The following SMARCC1 variants were observed in gnomAD, a reference collection of about 807,000 sequenced individuals.
SMARCC1 encodes the protein SWI/SNF related BAF chromatin remodeling complex subunit C1, also known as SWI/SNF complex subunit SMARCC1.
A neutral mutation model predicts 147.4 loss-of-function variants in SMARCC1; 43 were observed. That is an observed-to-expected ratio of 0.29 (90% CI 0.23 to 0.38). The LOEUF (loss-of-function observed/expected upper bound fraction) is 0.38, where lower values mean the gene tolerates loss of function less well. SMARCC1 is among the 10% of genes least tolerant of loss of function. The pLI, the probability that SMARCC1 is intolerant of heterozygous loss-of-function variation, is 1.00. For synonymous variants in SMARCC1, 495 were observed against 484.4 expected, an observed-to-expected ratio of 1.02 and a Z score of -0.29; for missense variants, 1,119 against 1,381.1, an observed-to-expected ratio of 0.81 and a Z score of 3.01.
At chr3:47,741,203 G>A (rs551258047) in intron 3 of SMARCC1, among the ~76,000 whole-genome samples, 1 of 151,896 alleles carries the variant, frequency 6.6e-6, no homozygotes, top group Admixed American at 6.6e-5. Context: ...AGGTACTTGT[G>A]AGGAAAAGAG....
chr3:47,655,818 T>C (rs1194222845), intron 21 of SMARCC1, among the ~76,000 whole-genome samples: 3 of 152,190 alleles, frequency 2.0e-5, no homozygotes, highest in East Asian at 3.8e-4. Context: ...AAATGACACC[T>C]ATAGTTCTTT....
Position 47,686,143 on chromosome 3 carries a change from G to C in SMARCC1, c.1291C>G (p.Gln431Glu). The change falls in exon 14 of 28, where the codon CAG becomes GAG. Residue 431 changes from glutamine (Q) to glutamate (E), a missense_variant. Around this residue, in one of 6 missense-constraint regions of SMARCC1, gnomAD observed 542 missense variants for 611.8 expected, o/e 0.89. Transcript: ENST00000254480. ...TCCCCAAGGTCAACTGATCGACTCTGATCACCTTTGGCAGGATCTTCATCT... is the reference window on the plus strand; with the variant it reads ...TCCCCAAGGTCAACTGATCGACTCTCATCACCTTTGGCAGGATCTTCATCT... ...KEDEDPAKGD[Q>E]SRSVDLGEDN... 6.2e-7 allele frequency: 1 copy of C among 1,612,320 alleles called. No homozygotes were observed. Among genetic ancestry groups the C allele is most frequent in the Non-Finnish European group, 8.5e-7 (1 of 1,178,598 alleles).
chr3:47,757,352 G>A (rs2034712137), intron 2 of SMARCC1, among the ~76,000 whole-genome samples: 1 of 152,090 alleles, frequency 6.6e-6, no homozygotes, highest in South Asian at 2.1e-4. Flanking sequence ...TAGCCAAGTG[G>A]CCAATAAATA....
At chr3:47,759,154 G>A (rs1334429559) in intron 2 of SMARCC1, among the ~76,000 whole-genome samples, 3 of 151,974 alleles carry the variant, frequency 2.0e-5, no homozygotes, top group Admixed American at 2.0e-4. Context: ...TGGGACGACA[G>A]GGGCCCTCCC....
rs549779314 is a variant in SMARCC1, at chr3:47,644,618, G to A, written c.2321-5838C>T. Among the ~76,000 whole-genome samples, 165 of 152,096 alleles carry A rather than the reference G, an allele frequency of 1.1e-3. 2 individuals carry two copies. Among genetic ancestry groups the A allele is most frequent in the African/African-American group, 3.5e-3 (145 of 41,500 alleles). The stretch of plus-strand genomic sequence containing the variant: ...TGTCTCCCAGGTTCAAGCGATTCTC[G>A]TGCCTCAGCCTCCTGAGTAGCTGGG... On this transcript the variant is annotated intron_variant, in intron 21 of 27. Coordinates refer to ENST00000254480, the MANE Select transcript of SMARCC1 (RefSeq NM_003074.4).
At chr3:47,753,339 AAAG>A (rs1257210398) in intron 2 of SMARCC1, among the ~76,000 whole-genome samples, 3 of 151,116 alleles carry the variant, frequency 2.0e-5, no homozygotes, top group African/African-American at 7.3e-5. Context: ...AAAAAAAAAA[AAAG>A]AAGAAAAGAG....
rs761007647 is a variant in SMARCC1 at position 47,706,534 on chromosome 3, G to A, written c.919-4C>T. 45 of 1,554,974 alleles carry A rather than the reference G, an allele frequency of 2.9e-5. No individual in the cohort carries two copies. The highest frequency in any genetic ancestry group is 3.7e-5 in the Non-Finnish European group (43 of 1,156,046). On this transcript the variant is annotated splice_polypyrimidine_tract_variant and splice_region_variant and intron_variant, in intron 9 of 27. Coordinates refer to ENST00000254480, the MANE Select transcript of SMARCC1 (RefSeq NM_003074.4). ...TTCTTTCTGGACTTCTGACTGGCTA[G>A]GAAGAAGTAAATGGAAATAAGTATC...
chr3:47,659,697 C>T (rs1208387130), intron 21 of SMARCC1, among the ~76,000 whole-genome samples: 1 of 129,804 alleles, frequency 7.7e-6, no homozygotes, highest in African/African-American at 3.0e-5. Context: ...TCTGTAATGT[C>T]TACTGAATTT....
chr3:47,727,948 G>A (rs1373739731), intron 6 of SMARCC1, among the ~76,000 whole-genome samples: 7 of 151,698 alleles, frequency 4.6e-5, no homozygotes, highest in East Asian at 1.9e-4. Flanking sequence ...CAATGGCTAC[G>A]CAAAGGCACA....
At chr3:47,679,979 A>G (rs2033622785) in intron 15 of SMARCC1, among the ~76,000 whole-genome samples, 1 of 152,128 alleles carries the variant, frequency 6.6e-6, no homozygotes, top group African/African-American at 2.4e-5. Flanking sequence ...ATGTGCATAT[A>G]GTTCAAGGTT....
At chr3:47,614,657 T>C (rs747697112) in intron 25 of SMARCC1, among the ~76,000 whole-genome samples, 1 of 152,174 alleles carries the variant, frequency 6.6e-6, no homozygotes, top group Non-Finnish European at 1.5e-5. Flanking sequence ...GCTGACACCC[T>C]GGTCCAAGCC....
intron 7 of SMARCC1, among the ~76,000 whole-genome samples, chr3:47,715,503 T>A (rs533110725): frequency 5.8e-4 from 88 of 152,182 alleles, no homozygotes; most frequent in Non-Finnish European, 1.3e-4. Context: ...ATGTCTAGAA[T>A]CTATCTAATT....
intron 24 of SMARCC1, among the ~76,000 whole-genome samples, chr3:47,624,420 C>T (rs2032778088): frequency 6.6e-6 from 1 of 151,874 alleles, no homozygotes; most frequent in Admixed American, 6.6e-5. Flanking sequence ...AGAAAGGCAC[C>T]CTCCCAAAAA....
intron 14 of SMARCC1, among the ~76,000 whole-genome samples, 191 bp downstream of exon 14, chr3:47,685,855 TCAA>T (rs966883989): frequency 1.6e-4 from 24 of 152,106 alleles, no homozygotes; most frequent in Admixed American, 6.6e-4. Flanking sequence ...AGACTCTGTC[TCAA>T]CAACAACAAA....
chr3:47,738,320 A>C (rs2034469712), intron 3 of SMARCC1, among the ~76,000 whole-genome samples: 1 of 152,234 alleles, frequency 6.6e-6, no homozygotes, highest in African/African-American at 2.4e-5. Flanking sequence ...GTGAAAATGA[A>C]GTATCAATTC....
intron 19 of SMARCC1, among the ~76,000 whole-genome samples, chr3:47,667,873 C>T (rs1379564704): frequency 6.6e-6 from 1 of 151,942 alleles, no homozygotes; most frequent in Non-Finnish European, 1.5e-5. Flanking sequence ...GAGATTCCTT[C>T]TCAAAGAAAA....
chr3:47,734,542 A>G (rs772185768), intron 5 of SMARCC1, among the ~76,000 whole-genome samples: 2 of 152,214 alleles, frequency 1.3e-5, no homozygotes, highest in Non-Finnish European at 1.5e-5. Context: ...AGGATCCATA[A>G]AACTCAGTCA....
At chr3:47,711,180 C>G (rs2034079585) in intron 8 of SMARCC1, among the ~76,000 whole-genome samples, 1 of 152,144 alleles carries the variant, frequency 6.6e-6, no homozygotes, top group Non-Finnish European at 1.5e-5. Flanking sequence ...ATCAACAACA[C>G]TCTAAGTGTT....
intron 19 of SMARCC1, among the ~76,000 whole-genome samples, chr3:47,664,523 C>A (rs2033398169): frequency 6.6e-6 from 1 of 151,662 alleles, no homozygotes; most frequent in Non-Finnish European, 1.5e-5. Context: ...TGAAAGAAAC[C>A]AACAAAAAGA....
Sources: allele counts gnomAD v4.1 joint callset (sites outside exome capture counted in the v4.1 genomes callset), GRCh38; gene constraint gnomAD v4.1.1; regional missense constraint gnomAD v4.1.1; transcripts MANE v1.5; gene names NCBI Gene and HGNC (gene_info 2026-07-23, HGNC 2026-07-21).